Variants in KCNH1 observed in about 807,000 individuals in gnomAD.
KCNH1 encodes voltage-gated delayed rectifier potassium channel KCNH1.
Under a neutral mutation model 69.2 loss-of-function variants are expected in KCNH1, and 27 were observed. The observed-to-expected ratio is 0.39, with a 90% CI of 0.29 to 0.54. KCNH1 has a LOEUF of 0.54. Ranked by LOEUF, KCNH1 falls within the 20% of genes least tolerant of loss-of-function variation. The pLI is 0.68. For synonymous variants in KCNH1, 456 were observed against 487.7 expected, an observed-to-expected ratio of 0.93 and a Z score of 0.86; for missense variants, 798 against 1,261.6, an observed-to-expected ratio of 0.63 and a Z score of 5.57.
chr1:210,730,234 C>A (rs1176718975), intron 10 of KCNH1, among the ~76,000 whole-genome samples: 1 of 152,204 alleles, frequency 6.6e-6, no homozygotes, highest in Non-Finnish European at 1.5e-5. Flanking sequence ...CCGGCAGGAA[C>A]TATTGCTGCC....
At chr1:210,743,307 G>A (rs74156059) in intron 10 of KCNH1, among the ~76,000 whole-genome samples, 8,319 of 152,250 alleles carry the variant, frequency 0.055, 399 homozygotes, top group East Asian at 0.15. Context: ...CTAGGGTGGG[G>A]GTGGTACAAT....
Position 210,997,626 on chromosome 1 carries a change from G to A in KCNH1, c.1032+21157C>T, listed in dbSNP as rs530346847. On this transcript the variant is annotated intron_variant, in intron 6 of 10. Coordinates refer to ENST00000271751, the MANE Select transcript of KCNH1 (RefSeq NM_172362.3). ...CAGGAGAACTTCCCCAATTTAGCAC[G>A]ACAGGCCAACATGCAGATTCAGGAA... is the stretch of plus-strand genomic sequence containing the variant. Among the ~76,000 whole-genome samples, 8 of 152,224 alleles carry A rather than the reference G, an allele frequency of 5.3e-5. No homozygotes were observed. In the South Asian group the frequency reaches 8.3e-4, roughly 16 times the overall value.
intron 6 of KCNH1, among the ~76,000 whole-genome samples, chr1:210,940,341 A>G (rs1013991960): frequency 6.6e-6 from 1 of 152,220 alleles, no homozygotes; most frequent in East Asian, 1.9e-4. Flanking sequence ...AGCAGCAAGC[A>G]CAAGTTAGCT....
At chr1:210,964,717 T>G (rs7518841) in intron 6 of KCNH1, among the ~76,000 whole-genome samples, 19,615 of 152,066 alleles carry the variant, frequency 0.13, 1,610 homozygotes, top group East Asian at 0.39. Flanking sequence ...TTCCAATTAA[T>G]AGAAAAACAG....
At position 211,035,007 on chromosome 1, in the gene KCNH1, T is replaced by G. The variant is rs529867306; in HGVS notation, c.559-15751A>C. Among the ~76,000 whole-genome samples, 277 of 152,294 alleles carry G rather than the reference T, an allele frequency of 1.8e-3. 2 individuals are homozygous for G. Among genetic ancestry groups the G allele is most frequent in the Non-Finnish European group, 3.1e-3 (210 of 68,022 alleles). ...ATTCTGATTCTTTCTAGGATGCTATTAGGCCCTGCCTGAGTGAGGCCTTAG... is the reference window on the plus strand; with the variant it reads ...ATTCTGATTCTTTCTAGGATGCTATGAGGCCCTGCCTGAGTGAGGCCTTAG... On this transcript the variant is annotated intron_variant, in intron 5 of 10. Transcript: ENST00000271751.
Position 211,078,306 on chromosome 1 carries a change from C to T in KCNH1, c.558+4474G>A, listed in dbSNP as rs1690775333. Among the ~76,000 whole-genome samples, 4 of 152,306 alleles carry T rather than the reference C, an allele frequency of 2.6e-5. No individual in the cohort carries two copies. The South Asian group carries it at 8.3e-4, about 32-fold the overall frequency. ...TACAGAACTCTCCACCCCAAATCAA[C>T]AGAATATACATTCTTCTCAGCACCA... On this transcript the variant is annotated intron_variant, in intron 5 of 10. Coordinates refer to ENST00000271751, the MANE Select transcript of KCNH1 (RefSeq NM_172362.3).
At chr1:210,693,011 G>A (rs939248822) in intron 10 of KCNH1, among the ~76,000 whole-genome samples, 95 of 152,188 alleles carry the variant, frequency 6.2e-4, no homozygotes, top group African/African-American at 2.2e-3. Flanking sequence ...TGCCCTTTGC[G>A]CTCAGGCCTC....
At chr1:210,766,611 G>A (rs1464984321) in intron 10 of KCNH1, among the ~76,000 whole-genome samples, 1 of 152,194 alleles carries the variant, frequency 6.6e-6, no homozygotes, top group Non-Finnish European at 1.5e-5. Flanking sequence ...CTAGACTAGA[G>A]AAATTAAAGA....
At chr1:210,807,483 A>G (rs1015731812) in intron 7 of KCNH1, among the ~76,000 whole-genome samples, 1 of 152,030 alleles carries the variant, frequency 6.6e-6, no homozygotes, top group Non-Finnish European at 1.5e-5. Flanking sequence ...ATGGTGGCAC[A>G]TGCCTGTAGT....
At chr1:210,914,094 C>A (rs140157458) in intron 7 of KCNH1, among the ~76,000 whole-genome samples, 1 of 152,162 alleles carries the variant, frequency 6.6e-6, no homozygotes, top group Non-Finnish European at 1.5e-5. Context: ...GCCAGGCCAA[C>A]CCCAAACTTT....
intron 7 of KCNH1, among the ~76,000 whole-genome samples, chr1:210,883,527 C>T (rs1211720090): frequency 6.6e-6 from 1 of 152,170 alleles, no homozygotes; most frequent in Non-Finnish European, 1.5e-5. Flanking sequence ...GATTCTAGAA[C>T]CAGAGACTAT....
chr1:210,807,348 T>C (rs1236038280), intron 7 of KCNH1, among the ~76,000 whole-genome samples: 1 of 152,142 alleles, frequency 6.6e-6, no homozygotes, highest in Non-Finnish European at 1.5e-5. Flanking sequence ...CTCATGCCTG[T>C]AATCCCAGCA....
At chr1:210,841,968 A>G (rs1685421720) in intron 7 of KCNH1, among the ~76,000 whole-genome samples, 1 of 152,170 alleles carries the variant, frequency 6.6e-6, no homozygotes, top group Non-Finnish European at 1.5e-5. Flanking sequence ...CAGGTTTTTA[A>G]GCGGCTATAA....
At chr1:210,697,186 G>C (rs1454846130) in intron 10 of KCNH1, among the ~76,000 whole-genome samples, 1 of 152,182 alleles carries the variant, frequency 6.6e-6, no homozygotes, top group East Asian at 1.9e-4. Context: ...CCTGGGAAGG[G>C]AAAAAATTCA....
chr1:210,801,633 G>A (rs1209534784), intron 8 of KCNH1, among the ~76,000 whole-genome samples: 1 of 152,218 alleles, frequency 6.6e-6, no homozygotes, highest in Non-Finnish European at 1.5e-5. Flanking sequence ...CAGTGAGGGT[G>A]GGGAAGGGCT....
intron 1 of KCNH1, among the ~76,000 whole-genome samples, chr1:211,118,254 T>A (rs1691621187): frequency 6.6e-6 from 1 of 152,236 alleles, no homozygotes; most frequent in Non-Finnish European, 1.5e-5. Context: ...ATATGTATCT[T>A]TTACAAGTAG....
intron 2 of KCNH1, among the ~76,000 whole-genome samples, chr1:211,103,825 TA>T (rs1406110568): frequency 2.0e-5 from 3 of 152,102 alleles, no homozygotes; most frequent in Non-Finnish European, 2.9e-5. Flanking sequence ...ATACACACCA[TA>T]AAACAGATCA....
intron 10 of KCNH1, among the ~76,000 whole-genome samples, chr1:210,764,879 A>C (rs77814885): frequency 0.029 from 4,419 of 152,252 alleles, 203 homozygotes; most frequent in African/African-American, 0.098. Context: ...AAGGAAAATA[A>C]ATTGTTCTAC....
intron 2 of KCNH1, among the ~76,000 whole-genome samples, chr1:211,105,580 G>A (rs767239456): frequency 1.1e-4 from 17 of 152,178 alleles, no homozygotes; most frequent in East Asian, 1.9e-4. Flanking sequence ...GGATACCTTC[G>A]GGTAATTCAA....
Sources: allele counts gnomAD v4.1 joint callset (sites outside exome capture counted in the v4.1 genomes callset), GRCh38; gene constraint gnomAD v4.1.1; transcripts MANE v1.5; gene names NCBI Gene and HGNC (gene_info 2026-07-23, HGNC 2026-07-21).